The following AFDN variants were observed in gnomAD, a reference collection of about 807,000 sequenced individuals.
AFDN encodes the protein afadin, adherens junction formation factor, also known as afadin.
A neutral mutation model predicts 216.6 loss-of-function variants in AFDN; 68 were observed. The ratio of observed to expected loss-of-function variants is 0.31; its 90% confidence interval spans 0.26 to 0.38. The LOEUF (loss-of-function observed/expected upper bound fraction) is 0.38, where lower values mean the gene tolerates loss of function less well. Among genes scored for constraint, AFDN ranks in the 10% least tolerant of loss-of-function variants. The probability of loss-of-function intolerance (pLI) is 1.00; values close to 1 mark genes in which losing one functional copy is unlikely to be tolerated. For missense variants in AFDN, 2,136 were observed against 2,342.0 expected (o/e 0.91, Z 1.82); for synonymous variants, 868 against 853.7 (o/e 1.02, Z -0.29).
At chr6:167,859,779 TTG>T (rs200689381) in intron 1 of AFDN, among the ~76,000 whole-genome samples, 282 of 76,166 alleles carry the variant, frequency 3.7e-3, no homozygotes, top group East Asian at 9.9e-3. Context: ...TTTGTTATTG[TTG>T]TTTTTTTTTT....
Position 167,946,876 on chromosome 6 carries a change from T to A in AFDN, c.3528T>A (p.Asp1176Glu), listed in dbSNP as rs767904944. The change falls in exon 27 of 34, where the codon GAT becomes GAA. Residue 1176 changes from aspartate (D) to glutamate (E), a missense_variant. Around this residue, in one of 8 missense-constraint regions of AFDN, gnomAD observed 981 missense variants for 966.0 expected, o/e 1.02. Coordinates refer to ENST00000683244, the MANE Select transcript of AFDN (RefSeq NM_001386888.1). ...GDDRLMKNRA[D>E]HRSSPNVANQ... Reference sequence around the variant, plus strand: ...ACAGACTGATGAAAAATAGAGCTGATCACCGTTCCAGCCCCAACGTAGCAA... The same window carrying A: ...ACAGACTGATGAAAAATAGAGCTGAACACCGTTCCAGCCCCAACGTAGCAA... The A allele has an allele frequency of 1.3e-5, 21 of 1,612,368 alleles. No individual in the cohort carries two copies. The highest frequency in any genetic ancestry group is 2.7e-5 in the African/African-American group (2 of 74,812).
At chr6:167,880,603 C>A in intron 6 of AFDN, 86 bp downstream of exon 6, 1 of 1,308,530 alleles carries the variant, frequency 7.6e-7, no homozygotes, top group Non-Finnish European at 1.1e-6. Context: ...CCTAGATTTT[C>A]AGCCTACCAT....
At chr6:167,888,351 A>C (rs191337243) in intron 6 of AFDN, among the ~76,000 whole-genome samples, 69 of 152,342 alleles carry the variant, frequency 4.5e-4, no homozygotes, top group Non-Finnish European at 1.2e-4. Flanking sequence ...GGTGAGGTCT[A>C]TTAAGATAAC....
At chr6:167,925,127 A>G in intron 23 of AFDN, 36 bp downstream of exon 23, 2 of 1,445,136 alleles carry the variant, frequency 1.4e-6, no homozygotes, top group Non-Finnish European at 1.9e-6. Flanking sequence ...TGTTCTCTCC[A>G]GTCTTTCGGC....
rs1211881668 is a variant in AFDN at position 167,957,717 on chromosome 6, A to C, written c.4834-4716A>C. 2.6e-5 allele frequency among the ~76,000 whole-genome samples: 4 copies of C among 152,150 alleles called. No homozygotes were observed. The East Asian group carries it at 5.8e-4, about 22-fold the overall frequency. On this transcript the variant is annotated intron_variant, in intron 30 of 33. Transcript: ENST00000683244. ...AGCCTTGGAACCTGTCTCTAACTTG[A>C]GTAGCCGGTTAGTTAGGACCATGGA...
At chr6:167,943,271 C>A (rs1411584719) in intron 24 of AFDN, 77 bp downstream of exon 24, 1 of 1,454,978 alleles carries the variant, frequency 6.9e-7, no homozygotes, top group Non-Finnish European at 9.6e-7. Context: ...TCTGCTGATA[C>A]TTCTAGTTAT....
chr6:167,923,751 T>C (rs1266356130), intron 22 of AFDN, among the ~76,000 whole-genome samples: 1 of 151,436 alleles, frequency 6.6e-6, no homozygotes, highest in African/African-American at 2.4e-5. Flanking sequence ...AGCCTCCCAG[T>C]AGCTGGGATT....
At chr6:167,887,367 C>A (rs1786977167) in intron 6 of AFDN, among the ~76,000 whole-genome samples, 1 of 145,380 alleles carries the variant, frequency 6.9e-6, no homozygotes, top group Admixed American at 6.7e-5. Flanking sequence ...AACCAGTTTT[C>A]TTTTGCAAGA....
At position 167,964,193 on chromosome 6, in the gene AFDN, A is replaced by G. The variant is rs549826825; in HGVS notation, c.4969-1564A>G. ...TTAAGTGGTCACTGTAAAAAGGCGA[A>G]TAACCTATTTTTATATCAGAATGTC... is the stretch of plus-strand genomic sequence containing the variant. On this transcript the variant is annotated intron_variant, in intron 31 of 33. Coordinates refer to ENST00000683244, the MANE Select transcript of AFDN (RefSeq NM_001386888.1). 409 of 1,063,942 alleles carry G rather than the reference A, an allele frequency of 3.8e-4. 1 individual carries two copies. In the African/African-American group the frequency reaches 6.3e-3, roughly 16 times the overall value. 65.9% of individuals were successfully genotyped at this position (1,063,942 alleles called of 1,614,324 possible).
At chr6:167,913,525 T>G in intron 16 of AFDN, 102 bp downstream of exon 16, 1 of 1,059,090 alleles carries the variant, frequency 9.4e-7, no homozygotes, top group East Asian at 2.6e-5. Flanking sequence ...ACTGAACAGC[T>G]CATAACACTC....
At position 167,872,222 on chromosome 6, in the gene AFDN, A is replaced by C. The variant is rs1233565626; in HGVS notation, c.423A>C (p.Gln141His). 6.2e-7 allele frequency: 1 copy of C among 1,609,312 alleles called. No individual in the cohort carries two copies. Among genetic ancestry groups the C allele is most frequent in the Non-Finnish European group, 8.5e-7 (1 of 1,178,850 alleles). Residue 141 changes from glutamine to histidine, a missense_variant, in exon 4 of 34, where the codon CAA (glutamine) becomes CAC (histidine). Around this residue, in one of 8 missense-constraint regions of AFDN, gnomAD observed 817 missense variants for 965.7 expected, o/e 0.85. Transcript: ENST00000683244. ...ENDAIPPKKA[Q>H]SNGPEKQEKE... ...AATGTTACTTTCATCAGAAGGCTCAAAGTAATGGACCTGAAAAGCAGGAAA... is the reference window on the plus strand; with the variant it reads ...AATGTTACTTTCATCAGAAGGCTCACAGTAATGGACCTGAAAAGCAGGAAA...
intron 1 of AFDN, among the ~76,000 whole-genome samples, chr6:167,835,169 C>G (rs1780283339): frequency 6.6e-6 from 1 of 152,178 alleles, no homozygotes; most frequent in Admixed American, 6.5e-5. Flanking sequence ...CACCACTGAT[C>G]TCATCAGAAA....
Position 167,965,900 on chromosome 6 carries a change from G to A in AFDN, c.5112G>A (p.Pro1704=), listed in dbSNP as rs138065781. Residue 1704 remains proline (P), a synonymous_variant, in exon 32 of 34, where the codon CCG becomes CCA. Coordinates refer to ENST00000683244, the MANE Select transcript of AFDN (RefSeq NM_001386888.1). The part of the protein sequence containing the change: ...PLPRDYEPPS[P]SPAPGAPPPP... ...CCCGGGACTACGAGCCCCCGTCCCCGTCCCCCGCGCCCGGCGCCCCTCCTC... is the reference window on the plus strand; with the variant it reads ...CCCGGGACTACGAGCCCCCGTCCCCATCCCCCGCGCCCGGCGCCCCTCCTC... 20,501 of 1,229,310 alleles carry A rather than the reference G, an allele frequency of 0.017. 176 individuals are homozygous for A. Among genetic ancestry groups the A allele is most frequent in the Non-Finnish European group, 0.019 (17,139 of 913,798 alleles). The allele number at this position is 1,229,310 out of a possible 1,614,324, so 76.2% of individuals were successfully genotyped here.
In AFDN at chr6:167,965,893, C is replaced by A. The variant is rs758582041; in HGVS notation, c.5105C>A (p.Pro1702Gln). Residue 1702 changes from proline (P) to glutamine (Q), a missense_variant, in exon 32 of 34, where the codon CCG (proline) becomes CAG (glutamine). This residue lies in a region of AFDN where 981 missense variants were observed against 966.0 expected (regional missense o/e 1.02). Coordinates refer to ENST00000683244, the MANE Select transcript of AFDN (RefSeq NM_001386888.1). ...CCGCTTCCCCGGGACTACGAGCCCC[C>A]GTCCCCGTCCCCCGCGCCCGGCGCC... ...RPPLPRDYEP[P>Q]SPSPAPGAPP... is the part of the protein sequence containing the mutation. The A allele has an allele frequency of 1.3e-6, 2 of 1,548,960 alleles. No homozygotes were observed. Among genetic ancestry groups the A allele is most frequent in the Non-Finnish European group, 8.7e-7 (1 of 1,146,470 alleles).
At chr6:167,828,967 G>A (rs1406724609) in intron 1 of AFDN, among the ~76,000 whole-genome samples, 1 of 151,886 alleles carries the variant, frequency 6.6e-6, no homozygotes, top group African/African-American at 2.4e-5. Flanking sequence ...ATTTCTTAGT[G>A]ATATGACTAG....
intron 20 of AFDN, among the ~76,000 whole-genome samples, chr6:167,918,405 T>C (rs535160280): frequency 1.3e-5 from 2 of 152,280 alleles, no homozygotes; most frequent in African/African-American, 2.4e-5. Context: ...AATTAAAGAA[T>C]TGTGTGAGGA....
intron 17 of AFDN, 27 bp downstream of exon 17, chr6:167,914,340 A>G: frequency 6.2e-7 from 1 of 1,610,168 alleles, no homozygotes; most frequent in Non-Finnish European, 8.5e-7. Flanking sequence ...TGAAGGCGGC[A>G]CTACTCTAAA....
At chr6:167,844,872 G>GTTTTTTTTTTTTTTTTTTTTTTT (rs1289118837) in intron 1 of AFDN, among the ~76,000 whole-genome samples, 2 of 137,402 alleles carry the variant, frequency 1.5e-5, no homozygotes, top group African/African-American at 2.7e-5. Context: ...TTTTTTTTTG[G>GTTTTTTTTTTTTTTTTTTTTTTT]TTTTTGAGAC....
At chr6:167,838,843 T>C (rs1029343603) in intron 1 of AFDN, among the ~76,000 whole-genome samples, 1 of 152,186 alleles carries the variant, frequency 6.6e-6, no homozygotes, top group African/African-American at 2.4e-5. Context: ...AATATTTGAT[T>C]TTAAGAACCA....
Sources: allele counts gnomAD v4.1 joint callset (sites outside exome capture counted in the v4.1 genomes callset), GRCh38; gene constraint gnomAD v4.1.1; regional missense constraint gnomAD v4.1.1; transcripts MANE v1.5; gene names NCBI Gene and HGNC (gene_info 2026-07-23, HGNC 2026-07-21).